SNX15: variants seen among roughly 807,000 people sequenced by gnomAD.
SNX15 encodes sorting nexin 15.
SNX15 carries 29 observed loss-of-function variants against 35.2 expected under a neutral mutation model. That is an observed-to-expected ratio of 0.82 (90% CI 0.61 to 1.12). The LOEUF (loss-of-function observed/expected upper bound fraction) is 1.12. SNX15 is among the 50% of genes most tolerant of loss of function. The pLI is 0.00. For synonymous variants in SNX15, 189 were observed against 188.2 expected (o/e 1.00, Z -0.03); for missense variants, 400 against 451.5 (o/e 0.89, Z 1.03).
Position 65,038,581 on chromosome 11 carries a change from C to A in SNX15, c.674C>A (p.Ala225Asp). ...FDPFSKEEGA[A>D]PSPTHVAELA... ...CCCTTTCTAACTGCAGAAGGCGCAG[C>A]CCCCAGCCCCACCCATGTGGCTGAG... Residue 225 changes from alanine (A) to aspartate (D), a missense_variant, in exon 7 of 8, where the codon GCC becomes GAC. By Grantham distance (126) the Ala-to-Asp change is moderately radical (BLOSUM62 -2). Coordinates refer to ENST00000377244, the MANE Select transcript of SNX15 (RefSeq NM_013306.5). 6.5e-7 allele frequency: 1 copy of A among 1,541,196 alleles called. No homozygotes were observed. The highest frequency in any genetic ancestry group is 8.7e-7 in the Non-Finnish European group (1 of 1,145,304).
intron 1 of SNX15, among the ~76,000 whole-genome samples, chr11:65,028,546 G>A: frequency 6.6e-6 from 1 of 152,022 alleles, no homozygotes; most frequent in East Asian, 1.9e-4. Flanking sequence ...AAATAAGGCC[G>A]GGCTCAGTGG....
rs1946387237 is a variant in SNX15, at chr11:65,027,637, G to A, written c.99+1G>A. On this transcript the variant is annotated splice_donor_variant, in intron 1 of 7. Transcript: ENST00000377244. LOFTEE classifies it high-confidence loss of function. ...CACCGAGTACAAAGTAACCGCGCAG[G>A]TGAGGTGGGGCCCAGCGCGTACTTT... 2 of 1,611,510 alleles carry A rather than the reference G, an allele frequency of 1.2e-6. No individual in the cohort carries two copies. The highest frequency in any genetic ancestry group is 1.7e-6 in the Non-Finnish European group (2 of 1,177,664).
chr11:65,028,636 CA>C (rs1946402009), intron 1 of SNX15, among the ~76,000 whole-genome samples: 1 of 127,764 alleles, frequency 7.8e-6, no homozygotes, highest in African/African-American at 3.0e-5. Flanking sequence ...CGAGCCTGGG[CA>C]ACATAGTGAG....
At chr11:65,039,262 C>T (rs1467078784) in intron 7 of SNX15, among the ~76,000 whole-genome samples, 3 of 150,480 alleles carry the variant, frequency 2.0e-5, no homozygotes, top group Non-Finnish European at 3.0e-5. Context: ...CTCGCTCTGT[C>T]GCCCAGGCTG....
At chr11:65,033,685 G>A (rs1423123630) in intron 3 of SNX15, among the ~76,000 whole-genome samples, 2 of 151,874 alleles carry the variant, frequency 1.3e-5, no homozygotes, top group African/African-American at 4.8e-5. Context: ...CATGTGAGAT[G>A]TTCTTTTTTG....
At chr11:65,033,409 T>C (rs1430855737) in intron 3 of SNX15, among the ~76,000 whole-genome samples, 3 of 151,822 alleles carry the variant, frequency 2.0e-5, no homozygotes, top group African/African-American at 7.2e-5. Context: ...CTGAGTGTAG[T>C]GGCAAGTGCT....
Position 65,040,553 on chromosome 11 carries a change from TA to T in SNX15, c.*765del. On this transcript the variant is annotated 3_prime_UTR_variant, in exon 8 of 8. Transcript: ENST00000377244. ...TATATGAAATTTAAGAGTCCATAAA[TA>T]AAATTTGTTGGAACACAACCAGGCT... 6.6e-6 allele frequency: 1 copy of T among 152,230 alleles called. No individual in the cohort carries two copies. Among genetic ancestry groups the T allele is most frequent in the East Asian group, 1.9e-4 (1 of 5,204 alleles). 9.4% of individuals were successfully genotyped at this position (152,230 alleles called of 1,614,324 possible).
At chr11:65,034,706 A>G (rs984217761) in intron 3 of SNX15, 141 bp from the exon 4 acceptor site, 1 of 629,944 alleles carries the variant, frequency 1.6e-6, no homozygotes, top group African/African-American at 1.8e-5. Context: ...AGGAGGAACC[A>G]GGGCAGATTG....
chr11:65,031,928 A>G (rs991808759), intron 1 of SNX15, among the ~76,000 whole-genome samples: 1 of 152,112 alleles, frequency 6.6e-6, no homozygotes, highest in African/African-American at 2.4e-5. Flanking sequence ...AGGTTGGAGC[A>G]GTCCAAATGG....
At position 65,032,539 on chromosome 11, in the gene SNX15, G is replaced by A. The variant is rs1463704627; in HGVS notation, c.244G>A (p.Ala82Thr). The stretch of plus-strand genomic sequence containing the variant: ...CGAGGAGTTCCCTGCTTTCCCCCGG[G>A]CCCAGGTGTTTGGTGAGTGTTAGAT... The part of the protein sequence containing the change: ...RLEEFPAFPR[A>T]QVFGRFEASV... The change falls in exon 3 of 8, where the codon GCC becomes ACC. Residue 82 changes from alanine to threonine, a missense_variant. By Grantham distance (58) the Ala-to-Thr change is moderately conservative. Coordinates refer to ENST00000377244, the MANE Select transcript of SNX15 (RefSeq NM_013306.5). 4.0e-5 allele frequency: 64 copies of A among 1,614,026 alleles called. No homozygotes were observed. The highest frequency in any genetic ancestry group is 5.4e-5 in the Non-Finnish European group (64 of 1,180,016).
At position 65,027,473 on chromosome 11, in the gene SNX15, G is replaced by A; in HGVS notation, c.-65G>A. On this transcript the variant is annotated 5_prime_UTR_variant, in exon 1 of 8. Transcript: ENST00000377244. ...GCGAGGCGGCGGCGGGCGGAGGCTGGGCCGGAGGGGTGGGGACGGCGAGGA... is the reference window on the plus strand; with the variant it reads ...GCGAGGCGGCGGCGGGCGGAGGCTGAGCCGGAGGGGTGGGGACGGCGAGGA... The A allele has an allele frequency of 6.0e-6, 8 of 1,338,644 alleles. No individual in the cohort carries two copies. Among genetic ancestry groups the A allele is most frequent in the Non-Finnish European group, 8.6e-6 (8 of 931,596 alleles). The allele number at this position is 1,338,644 out of a possible 1,614,324, so 82.9% of individuals were successfully genotyped here.
chr11:65,035,158 C>G lies in SNX15; in HGVS notation c.472C>G (p.Gln158Glu). 2.5e-6 allele frequency: 4 copies of G among 1,590,368 alleles called. No individual in the cohort carries two copies. The highest frequency in any genetic ancestry group is 3.4e-6 in the Non-Finnish European group (4 of 1,170,062). Residue 158 changes from glutamine (Q) to glutamate (E), a missense_variant, in exon 5 of 8, where the codon CAA (glutamine) becomes GAA (glutamate). Gln to Glu is a conservative substitution (Grantham distance 29). Transcript: ENST00000377244. ...TPPPDDPRLS[Q>E]LLPAERRGLE... ...GCCCCCTGATGACCCCCGGCTATCC[C>G]AACTGCTCCCTGCAGAAAGGAGGGG...
intron 1 of SNX15, among the ~76,000 whole-genome samples, chr11:65,031,033 G>T (rs1283223322): frequency 2.0e-5 from 3 of 151,642 alleles, no homozygotes; most frequent in Non-Finnish European, 4.4e-5. Flanking sequence ...TATTTATTTA[G>T]TGTGTGAGAG....
At position 65,039,838 on chromosome 11, in the gene SNX15, C is replaced by G. The variant is rs760706239; in HGVS notation, c.*46C>G. The G allele has an allele frequency of 1.5e-6, 2 of 1,326,110 alleles. No homozygotes were observed. The highest frequency in any genetic ancestry group is 3.7e-5 in the Admixed American group (2 of 53,610). The allele number at this position is 1,326,110 out of a possible 1,614,324, so 82.1% of individuals were successfully genotyped here. A position where few individuals can be genotyped will look rare whatever the true frequency, so the allele number is the denominator to read the frequency against. ...GGGACTCTCGCTCCTGCACTGCCAG[C>G]CCCTTCTCCTCTCCCCAGGGCCTGG... On this transcript the variant is annotated 3_prime_UTR_variant, in exon 8 of 8. Transcript: ENST00000377244.
intron 6 of SNX15, 186 bp downstream of exon 6, chr11:65,035,849 TGTG>T (rs1009795390): frequency 3.6e-6 from 2 of 554,590 alleles, no homozygotes; most frequent in African/African-American, 1.9e-5. Flanking sequence ...GGGCACGTGG[TGTG>T]GTGTGCTGGA....
intron 1 of SNX15, among the ~76,000 whole-genome samples, chr11:65,028,631 C>T (rs1946401841): frequency 6.9e-6 from 1 of 144,094 alleles, no homozygotes; most frequent in African/African-American, 2.6e-5. Flanking sequence ...CAAGACGAGC[C>T]TGGGCAACAT....
chr11:65,027,832 T>C (rs1226308933), intron 1 of SNX15, among the ~76,000 whole-genome samples, 196 bp downstream of exon 1: 2 of 152,190 alleles, frequency 1.3e-5, no homozygotes, highest in Non-Finnish European at 2.9e-5. Context: ...GGCGCTGTCT[T>C]TTTTAAAAGG....
intron 6 of SNX15, chr11:65,037,751 CA>C (rs1211115452): frequency 6.6e-6 from 1 of 152,196 alleles, no homozygotes; most frequent in Admixed American, 6.5e-5. Flanking sequence ...GCAGGTGTCC[CA>C]GGTACTCTTC....
rs201383470 is a variant in SNX15 at position 65,035,609 on chromosome 11, C to G, written c.610C>G (p.Arg204Gly). 222 of 1,613,928 alleles carry G rather than the reference C, an allele frequency of 1.4e-4. 2 individuals carry two copies. The African/African-American group carries it at 2.6e-3, about 19-fold the overall frequency. ...STEEASGSPARGPLTEAELAL... is the reference protein window; with the variant it reads ...STEEASGSPAGGPLTEAELAL... The stretch of plus-strand genomic sequence containing the variant: ...CGAGGAGGCATCTGGTTCCCCTGCC[C>G]GAGGCCCCCTCACCGAGGCTGAGCT... Residue 204 changes from arginine to glycine, a missense_variant, in exon 6 of 8, where the codon CGA becomes GGA. By Grantham distance (125) the Arg-to-Gly change is moderately radical. Transcript: ENST00000377244.
Sources: allele counts gnomAD v4.1 joint callset (sites outside exome capture counted in the v4.1 genomes callset), GRCh38; gene constraint gnomAD v4.1.1; transcripts MANE v1.5; gene names NCBI Gene and HGNC (gene_info 2026-07-23, HGNC 2026-07-21).